CACNA2D3: variants seen among roughly 807,000 people sequenced by gnomAD.
CACNA2D3 encodes the protein voltage-dependent calcium channel subunit alpha-2/delta-3.
A neutral mutation model predicts 160.6 loss-of-function variants in CACNA2D3; 60 were observed. The ratio of observed to expected loss-of-function variants is 0.37; its 90% CI spans 0.30 to 0.46. CACNA2D3 has a LOEUF of 0.46. Among genes scored for constraint, CACNA2D3 ranks in the 20% least tolerant of loss-of-function variants. CACNA2D3 has a pLI of 1.00. For synonymous variants in CACNA2D3, 558 were observed against 492.9 expected, an observed-to-expected ratio of 1.13 and a Z score of -1.75; for missense variants, 1,205 against 1,365.0, an observed-to-expected ratio of 0.88 and a Z score of 1.85.
chr3:54,934,489 A>T (rs1439362147), intron 27 of CACNA2D3, among the ~76,000 whole-genome samples: 1 of 152,214 alleles, frequency 6.6e-6, no homozygotes, highest in Admixed American at 6.5e-5. Flanking sequence ...TATGAATATC[A>T]GCGGAGTTTG....
At chr3:54,605,286 TG>T (rs1698579218) in intron 9 of CACNA2D3, among the ~76,000 whole-genome samples, 1 of 152,194 alleles carries the variant, frequency 6.6e-6, no homozygotes, top group South Asian at 2.1e-4. Context: ...GTATCTTTTG[TG>T]GGGGACACAA....
At chr3:54,795,164 C>T (rs992588063) in intron 13 of CACNA2D3, among the ~76,000 whole-genome samples, 7 of 151,940 alleles carry the variant, frequency 4.6e-5, no homozygotes, top group Non-Finnish European at 1.0e-4. Flanking sequence ...CATGTCTCAT[C>T]CTTTGTTAGA....
intron 13 of CACNA2D3, among the ~76,000 whole-genome samples, chr3:54,792,174 A>C (rs1702771326): frequency 6.6e-6 from 1 of 152,180 alleles, no homozygotes; most frequent in Middle Eastern, 3.2e-3. Flanking sequence ...GTAGCTCTGC[A>C]CTGAAGGGTG....
chr3:55,009,428 G>A lies in CACNA2D3; in HGVS notation c.2860G>A (p.Asp954Asn), dbSNP rs1260988475. Reference sequence around the variant, plus strand: ...TAACCTCTGCAGTTGGTGGCACTCCGATATGACAGCTAAAGGTGAGCAGCA... The same window carrying A: ...TAACCTCTGCAGTTGGTGGCACTCCAATATGACAGCTAAAGGTGAGCAGCA... ...EFNLCSWWHS[D>N]MTAKAQKLKQ... is the part of the protein sequence containing the mutation. Residue 954 changes from aspartate (D) to asparagine (N), a missense_variant, in exon 34 of 38, where the codon GAT (aspartate) becomes AAT (asparagine). By Grantham distance (23) the Asp-to-Asn change is conservative. This residue lies in a region of CACNA2D3 where 911 missense variants were observed against 1,002.2 expected (regional missense o/e 0.91). Transcript: ENST00000474759. The A allele has an allele frequency of 8.1e-6, 13 of 1,613,772 alleles. No individual in the cohort carries two copies. The highest frequency in any genetic ancestry group is 2.2e-5 in the East Asian group (1 of 44,882).
intron 2 of CACNA2D3, among the ~76,000 whole-genome samples, chr3:54,218,715 A>G (rs1167699554): frequency 5.3e-5 from 8 of 152,170 alleles, no homozygotes. Context: ...TTGATTTTAT[A>G]CAAGGACTAA....
chr3:54,915,439 T>C (rs535117917), intron 27 of CACNA2D3, among the ~76,000 whole-genome samples: 1 of 152,332 alleles, frequency 6.6e-6, no homozygotes, highest in East Asian at 1.9e-4. Flanking sequence ...CTAAACGTGA[T>C]TTTTGTCCAC....
chr3:54,210,800 G>A (rs1701358664), intron 2 of CACNA2D3, among the ~76,000 whole-genome samples: 1 of 152,144 alleles, frequency 6.6e-6, no homozygotes. Context: ...CCTGACCTGT[G>A]CTGAGACTAA....
intron 2 of CACNA2D3, among the ~76,000 whole-genome samples, chr3:54,226,312 C>CT (rs10677482): frequency 0.1 from 11,154 of 106,796 alleles, 1,167 homozygotes; most frequent in East Asian, 0.29. Context: ...GCCCCTGATG[C>CT]TTTTTTTTTT....
intron 2 of CACNA2D3, among the ~76,000 whole-genome samples, chr3:54,217,657 T>G (rs1004067519): frequency 6.6e-6 from 1 of 151,986 alleles, no homozygotes; most frequent in African/African-American, 2.4e-5. Context: ...CAGCAAGGAA[T>G]GCCAGCAGCC....
chr3:54,246,366 G>A (rs1156271492), intron 2 of CACNA2D3, among the ~76,000 whole-genome samples: 2 of 151,930 alleles, frequency 1.3e-5, no homozygotes, highest in African/African-American at 2.4e-5. Context: ...CCAGATGCTC[G>A]AACAATTTTT....
At chr3:54,848,872 ATAATG>A (rs1698992749) in intron 17 of CACNA2D3, among the ~76,000 whole-genome samples, 1 of 152,212 alleles carries the variant, frequency 6.6e-6, no homozygotes. Flanking sequence ...AGTAAATGAG[ATAATG>A]CAAGCAAAGG....
intron 11 of CACNA2D3, among the ~76,000 whole-genome samples, chr3:54,696,485 A>G (rs1700668808): frequency 6.6e-6 from 1 of 152,218 alleles, no homozygotes; most frequent in Non-Finnish European, 1.5e-5. Flanking sequence ...TCCTTGTCAT[A>G]GGATGTTTCC....
chr3:54,668,146 A>G (rs2106893172), intron 11 of CACNA2D3, among the ~76,000 whole-genome samples: 1 of 152,246 alleles, frequency 6.6e-6, no homozygotes, highest in East Asian at 1.9e-4. Context: ...TAAAATAAAA[A>G]AGCAAATCCT....
intron 2 of CACNA2D3, among the ~76,000 whole-genome samples, chr3:54,220,622 G>T (rs1303260333): frequency 6.6e-6 from 1 of 152,096 alleles, no homozygotes; most frequent in Admixed American, 6.5e-5. Context: ...CACACCTGCT[G>T]CTTCCTCTGC....
At chr3:54,177,372 T>A (rs1700697577) in intron 2 of CACNA2D3, among the ~76,000 whole-genome samples, 1 of 152,216 alleles carries the variant, frequency 6.6e-6, no homozygotes, top group African/African-American at 2.4e-5. Flanking sequence ...CAGGACGTCT[T>A]CAGTTTCCTC....
intron 27 of CACNA2D3, among the ~76,000 whole-genome samples, chr3:54,943,672 C>T (rs1701535492): frequency 6.7e-6 from 1 of 149,582 alleles, no homozygotes; most frequent in South Asian, 2.1e-4. Context: ...CATCAGATGT[C>T]TCAAATATGT....
intron 2 of CACNA2D3, among the ~76,000 whole-genome samples, chr3:54,189,456 G>T (rs1700941278): frequency 6.6e-6 from 1 of 152,178 alleles, no homozygotes; most frequent in African/African-American, 2.4e-5. Flanking sequence ...TGGTCCTGTG[G>T]CTCTCCAGAC....
Position 54,888,314 on chromosome 3 carries a change from A to T in CACNA2D3, c.2150+262A>T, listed in dbSNP as rs148617067. On this transcript the variant is annotated intron_variant, in intron 24 of 37. Coordinates refer to ENST00000474759, the MANE Select transcript of CACNA2D3 (RefSeq NM_018398.3). Reference sequence around the variant, plus strand: ...TGAGGTAGGGTGACACTTCCGAGAGAGAGGGAGGCGGAAGGGAACTTCGTT... The same window carrying T: ...TGAGGTAGGGTGACACTTCCGAGAGTGAGGGAGGCGGAAGGGAACTTCGTT... Among the ~76,000 whole-genome samples, 269 of 152,270 alleles carry T rather than the reference A, an allele frequency of 1.8e-3. 1 individual carries two copies. Among genetic ancestry groups the T allele is most frequent in the African/African-American group, 6.1e-3 (255 of 41,556 alleles).
chr3:54,546,785 G>C (rs1337019827), intron 5 of CACNA2D3, among the ~76,000 whole-genome samples: 1 of 152,044 alleles, frequency 6.6e-6, no homozygotes, highest in Admixed American at 6.6e-5. Flanking sequence ...TAAATGGAAG[G>C]CCCATTCATC....
Sources: gnomAD v4.1 joint callset for allele counts (sites outside exome capture counted in the v4.1 genomes callset) on GRCh38, gnomAD v4.1.1 for gene constraint, gnomAD v4.1.1 regional missense constraint, MANE v1.5 for transcripts, NCBI Gene and HGNC (gene_info 2026-07-23, HGNC 2026-07-21) for gene names.